Variants in DUSP10 observed in about 807,000 individuals in gnomAD.
The protein encoded by DUSP10 is dual specificity phosphatase 10.
In DUSP10, 14 loss-of-function variants were observed where a neutral mutation model predicts 30.8. That is an observed-to-expected ratio of 0.46 (90% CI 0.30 to 0.71). DUSP10 has a LOEUF of 0.71. Among genes scored for constraint, DUSP10 ranks in the 30% least tolerant of loss-of-function variants. The pLI is 0.08. For synonymous variants in DUSP10, 254 were observed against 250.4 expected (o/e 1.01, Z -0.14); for missense variants, 550 against 619.4 (o/e 0.89, Z 1.19).
intron 1 of DUSP10, 61 bp from the exon 2 acceptor site, chr1:221,739,848 A>C: frequency 6.5e-5 from 94 of 1,442,610 alleles, no homozygotes; most frequent in South Asian, 8.8e-5. Context: ...AGGCAGTCTC[A>C]TCCAATCCCT....
chr1:221,733,304 C>T (rs1450856951), intron 2 of DUSP10, among the ~76,000 whole-genome samples: 1 of 152,212 alleles, frequency 6.6e-6, no homozygotes, highest in East Asian at 1.9e-4. Flanking sequence ...ATTCTCCCTT[C>T]TCCTTTCTCC....
chr1:221,738,209 T>G (rs1183497139), intron 2 of DUSP10, among the ~76,000 whole-genome samples: 1 of 152,160 alleles, frequency 6.6e-6, no homozygotes, highest in Non-Finnish European at 1.5e-5. Context: ...TTCAGTATAC[T>G]GGGGCAAGTG....
At chr1:221,730,178 C>G (rs1171650916) in intron 2 of DUSP10, among the ~76,000 whole-genome samples, 1 of 151,976 alleles carries the variant, frequency 6.6e-6, no homozygotes, top group Admixed American at 6.6e-5. Context: ...GGCTGTGATA[C>G]AAAGAATGTG....
intron 2 of DUSP10, among the ~76,000 whole-genome samples, chr1:221,725,788 A>G (rs1661408508): frequency 6.6e-6 from 1 of 152,198 alleles, no homozygotes; most frequent in South Asian, 2.1e-4. Context: ...GAAGGGAGAC[A>G]CAAACACATC....
chr1:221,714,836 G>A (rs1404193283), intron 2 of DUSP10, among the ~76,000 whole-genome samples: 1 of 152,024 alleles, frequency 6.6e-6, no homozygotes. Flanking sequence ...ACCCAGACAA[G>A]GTAGCCACTT....
At chr1:221,737,522 A>G in intron 2 of DUSP10, 1 of 950,110 alleles carries the variant, frequency 1.1e-6, no homozygotes, top group Non-Finnish European at 1.3e-6. Context: ...TGTGACCTCA[A>G]GAAAACCCAC....
intron 2 of DUSP10, among the ~76,000 whole-genome samples, chr1:221,726,122 A>G (rs1661415909): frequency 6.6e-6 from 1 of 152,208 alleles, no homozygotes; most frequent in South Asian, 2.1e-4. Context: ...CAACTTTGAT[A>G]GGTATTTGGA....
chr1:221,703,150 C>T (rs1660654928), intron 3 of DUSP10, among the ~76,000 whole-genome samples: 2 of 151,894 alleles, frequency 1.3e-5, no homozygotes. Context: ...AAATTATACA[C>T]ACACATGAAA....
intron 2 of DUSP10, among the ~76,000 whole-genome samples, chr1:221,728,646 C>T (rs1449512390): frequency 1.3e-5 from 2 of 152,182 alleles, no homozygotes; most frequent in Non-Finnish European, 2.9e-5. Flanking sequence ...TCTTTCTTCA[C>T]CTACTTGAGG....
chr1:221,728,273 G>A (rs1195444661), intron 2 of DUSP10, among the ~76,000 whole-genome samples: 2 of 152,154 alleles, frequency 1.3e-5, no homozygotes, highest in Non-Finnish European at 2.9e-5. Context: ...AATGAACTTT[G>A]TGACGAAATC....
intron 2 of DUSP10, among the ~76,000 whole-genome samples, chr1:221,729,722 C>T (rs1351611170): frequency 6.6e-6 from 1 of 152,136 alleles, no homozygotes; most frequent in East Asian, 1.9e-4. Context: ...GTCACAGAGC[C>T]AGAGTAGTTC....
intron 1 of DUSP10, 65 bp from the exon 2 acceptor site, chr1:221,739,852 A>G: frequency 4.2e-6 from 6 of 1,434,764 alleles, no homozygotes; most frequent in Non-Finnish European, 5.5e-6. Context: ...AGTCTCATCC[A>G]ATCCCTGGGA....
chr1:221,713,995 C>T (rs975486618), intron 2 of DUSP10, among the ~76,000 whole-genome samples: 6 of 152,098 alleles, frequency 3.9e-5, no homozygotes, highest in African/African-American at 1.4e-4. Context: ...AAACTATCTT[C>T]CAATAATAAA....
At chr1:221,714,692 C>T (rs1661045534) in intron 2 of DUSP10, among the ~76,000 whole-genome samples, 1 of 152,138 alleles carries the variant, frequency 6.6e-6, no homozygotes, top group African/African-American at 2.4e-5. Context: ...TCTGGGAAGT[C>T]ACCTCTCTCT....
rs1291892298 is a variant in DUSP10 at position 221,739,621 on chromosome 1, G to A, written c.124C>T (p.His42Tyr). The A allele has an allele frequency of 3.7e-6, 6 of 1,614,014 alleles. No homozygotes were observed. The highest frequency in any genetic ancestry group is 3.3e-5 in the South Asian group (3 of 91,082). ...ACGGTGGTGGCGATGACAGGAGGGT[G>A]GCTGTTACTGCCTGGGTTGGCAGAG... is the stretch of plus-strand genomic sequence containing the variant. Reference protein sequence around the residue: ...LGSANPGSNSHPPVIATTVVS... With the variant: ...LGSANPGSNSYPPVIATTVVS... The change falls in exon 2 of 4, where the codon CAC becomes TAC. Residue 42 changes from histidine (H) to tyrosine (Y), a missense_variant. Physicochemically the swap from His to Tyr is moderately conservative, Grantham distance 83. Coordinates refer to ENST00000366899, the MANE Select transcript of DUSP10 (RefSeq NM_007207.6).
chr1:221,724,450 A>G (rs771047759), intron 2 of DUSP10, among the ~76,000 whole-genome samples: 1 of 152,224 alleles, frequency 6.6e-6, no homozygotes, highest in African/African-American at 2.4e-5. Context: ...AGTCAATATT[A>G]AAACAATTAC....
In DUSP10 at chr1:221,702,956, A is replaced by C. The variant is rs116892027; in HGVS notation, c.1184-279T>G. 3.2e-3 allele frequency among the ~76,000 whole-genome samples: 480 copies of C among 152,342 alleles called. 8 individuals are homozygous for C. In the East Asian group the frequency reaches 0.054, roughly 17 times the overall value. ...TGCTCATAGGAACAGTTTGCTGCAC[A>C]GGTGACAGCAGTGGCCGGAAGCCAG... On this transcript the variant is annotated intron_variant, in intron 3 of 3. Coordinates refer to ENST00000366899, the MANE Select transcript of DUSP10 (RefSeq NM_007207.6). The surrounding 1 kb of genome is among the most constrained non-coding windows in gnomAD (Gnocchi z 4.5).
At chr1:221,703,860 C>A (rs770633499) in intron 3 of DUSP10, among the ~76,000 whole-genome samples, 1 of 151,752 alleles carries the variant, frequency 6.6e-6, no homozygotes, top group East Asian at 1.9e-4. Context: ...ACCAGTGGAC[C>A]AAGGAAAAAA....
intron 2 of DUSP10, among the ~76,000 whole-genome samples, chr1:221,732,400 T>C (rs953028024): frequency 1.3e-5 from 2 of 152,198 alleles, no homozygotes; most frequent in African/African-American, 4.8e-5. Flanking sequence ...TATTCTAATA[T>C]CCAGGTAAAT....
Sources: allele counts gnomAD v4.1 joint callset (sites outside exome capture counted in the v4.1 genomes callset), GRCh38; gene constraint gnomAD v4.1.1; non-coding constraint Gnocchi (gnomAD v3.1); transcripts MANE v1.5; gene names NCBI Gene and HGNC (gene_info 2026-07-23, HGNC 2026-07-21).